The following ENAH variants were observed in gnomAD, a reference collection of about 807,000 sequenced individuals.
The protein encoded by ENAH is protein enabled homolog.
A neutral mutation model predicts 78.7 loss-of-function variants in ENAH; 23 were observed. That is an observed-to-expected ratio of 0.29 (90% CI 0.21 to 0.41). The LOEUF (loss-of-function observed/expected upper bound fraction) is 0.41, where lower values mean the gene tolerates loss of function less well. Among genes scored for constraint, ENAH ranks in the 10% least tolerant of loss-of-function variants. ENAH has a pLI of 1.00. For missense variants in ENAH, 544 were observed against 691.0 expected (o/e 0.79, Z 2.39); for synonymous variants, 226 against 241.0 (o/e 0.94, Z 0.58).
intron 3 of ENAH, among the ~76,000 whole-genome samples, chr1:225,542,263 G>T (rs539323822): frequency 4.6e-4 from 70 of 152,292 alleles, no homozygotes; most frequent in African/African-American, 1.5e-3. Flanking sequence ...CCAAATGTTT[G>T]GAAAGACTGC....
intron 1 of ENAH, among the ~76,000 whole-genome samples, chr1:225,578,386 G>C (rs1268717073): frequency 1.3e-5 from 2 of 152,138 alleles, no homozygotes; most frequent in African/African-American, 2.4e-5. Context: ...GAGGTAGAAG[G>C]ACCACTTCAG....
chr1:225,508,001 A>C lies in ENAH; in HGVS notation c.1488T>G (p.Pro496=). Residue 496 remains proline, a synonymous_variant, in exon 11 of 14, where the codon CCT becomes CCG. Coordinates refer to ENST00000366843, the MANE Select transcript of ENAH (RefSeq NM_018212.6). ...CATTCATTGTATTTGTTCTTTCCCA[A>C]GGTTTTCTTGTTGGTTCTTTAAAAA... ...STSTPEPTRK[P]WERTNTMNGS... is the part of the protein sequence containing the mutation. 1.3e-6 allele frequency: 2 copies of C among 1,557,828 alleles called. No homozygotes were observed. Among genetic ancestry groups the C allele is most frequent in the Non-Finnish European group, 1.7e-6 (2 of 1,160,690 alleles).
At chr1:225,510,384 T>C (rs1056679285) in intron 10 of ENAH, among the ~76,000 whole-genome samples, 2 of 152,124 alleles carry the variant, frequency 1.3e-5, no homozygotes, top group African/African-American at 4.8e-5. Flanking sequence ...ATAGCTCTCA[T>C]CATATTCTAA....
At chr1:225,559,851 A>C (rs2096690842) in intron 2 of ENAH, among the ~76,000 whole-genome samples, 1 of 152,192 alleles carries the variant, frequency 6.6e-6, no homozygotes, top group Non-Finnish European at 1.5e-5. Context: ...CGCCTTCTAC[A>C]CTGGAAAAAG....
At chr1:225,630,230 G>A (rs1180867516) in intron 1 of ENAH, among the ~76,000 whole-genome samples, 2 of 150,018 alleles carry the variant, frequency 1.3e-5, no homozygotes, top group African/African-American at 4.8e-5. Flanking sequence ...AAAAGCTACA[G>A]AAAGTAATTT....
At chr1:225,631,166 T>C (rs1052302257) in intron 1 of ENAH, among the ~76,000 whole-genome samples, 3 of 152,194 alleles carry the variant, frequency 2.0e-5, no homozygotes, top group Non-Finnish European at 4.4e-5. Flanking sequence ...CTATACTGAC[T>C]GACAATTTTT....
chr1:225,504,974 T>C (rs1558713798), intron 11 of ENAH: 1 of 1,601,570 alleles, frequency 6.2e-7, no homozygotes, highest in Admixed American at 1.7e-5. Flanking sequence ...AATCACAACG[T>C]CACAGCAGGA....
rs555102985 is a variant in ENAH, at chr1:225,556,568, A to ATAT, written c.172-1488_172-1486dup. ...TTCTTCTTTGATTTCTAAGCCCTTT[A>ATAT]TATATTCTAGATATGATATCATTGT... On this transcript the variant is annotated intron_variant, in intron 2 of 13. Transcript: ENST00000366843. Among the ~76,000 whole-genome samples the ATAT allele has an allele frequency of 4.0e-3, 607 of 152,030 alleles. 2 individuals are homozygous for ATAT. The highest frequency in any genetic ancestry group is 4.1e-3 in the Non-Finnish European group (282 of 67,984).
chr1:225,615,067 T>C (rs1026532034), intron 1 of ENAH, among the ~76,000 whole-genome samples: 2 of 145,578 alleles, frequency 1.4e-5, no homozygotes, highest in Non-Finnish European at 3.0e-5. Context: ...TCTCCCTCTC[T>C]CTCCACGGTC....
chr1:225,596,370 A>G (rs2096901984), intron 1 of ENAH, among the ~76,000 whole-genome samples: 1 of 152,238 alleles, frequency 6.6e-6, no homozygotes, highest in Admixed American at 6.5e-5. Context: ...ATCAGCAAAG[A>G]GTCAGGACTC....
At chr1:225,548,847 A>AT (rs11392563) in intron 3 of ENAH, among the ~76,000 whole-genome samples, 103,047 of 139,418 alleles carry the variant, frequency 0.74, 37,973 homozygotes, top group Middle Eastern at 0.76. Context: ...TAGTGAACAG[A>AT]TTTTTTTTTT....
chr1:225,606,778 G>C (rs2096957677), intron 1 of ENAH, among the ~76,000 whole-genome samples: 1 of 139,916 alleles, frequency 7.1e-6, no homozygotes, highest in Non-Finnish European at 1.5e-5. Flanking sequence ...AGGAGGCAGG[G>C]ATTGCAGTGA....
At chr1:225,653,443 C>T (rs1200194384), upstream of ENAH, among the ~76,000 whole-genome samples, 1 of 150,022 alleles carries the variant, frequency 6.7e-6, no homozygotes, top group East Asian at 2.0e-4. This position sits in a 1 kb window ranked among gnomAD's most constrained non-coding sequence, Gnocchi z 4.3. Context: ...CACCTCCGGC[C>T]AGTTGTCGGC....
intron 3 of ENAH, among the ~76,000 whole-genome samples, chr1:225,536,239 G>A (rs921785639): frequency 1.1e-4 from 16 of 151,770 alleles, no homozygotes; most frequent in African/African-American, 3.4e-4. Context: ...ATTTATTTAG[G>A]CTATTTACAT....
At chr1:225,534,933 AGAGT>A (rs1283707328) in intron 3 of ENAH, among the ~76,000 whole-genome samples, 8 of 152,234 alleles carry the variant, frequency 5.3e-5, no homozygotes, top group South Asian at 2.1e-4. Context: ...TGTGTATATG[AGAGT>A]GAGAGTGAAA....
intron 3 of ENAH, among the ~76,000 whole-genome samples, chr1:225,534,822 T>C (rs1479209315): frequency 6.6e-6 from 1 of 152,150 alleles, no homozygotes; most frequent in Non-Finnish European, 1.5e-5. Flanking sequence ...TGTTTATAGA[T>C]AGATACGTAT....
intron 3 of ENAH, among the ~76,000 whole-genome samples, chr1:225,550,125 T>A (rs1428093624): frequency 1.3e-5 from 2 of 152,152 alleles, no homozygotes; most frequent in Non-Finnish European, 2.9e-5. Flanking sequence ...CATGGCATAT[T>A]TGTTATTTCC....
At chr1:225,558,912 C>T (rs539779194) in intron 2 of ENAH, among the ~76,000 whole-genome samples, 5 of 152,224 alleles carry the variant, frequency 3.3e-5, no homozygotes, top group African/African-American at 7.2e-5. Flanking sequence ...GGATTACAGG[C>T]GTAAGCCACT....
intron 1 of ENAH, among the ~76,000 whole-genome samples, chr1:225,612,912 T>A (rs2096999354): frequency 1.3e-5 from 2 of 152,196 alleles, no homozygotes; most frequent in African/African-American, 4.8e-5. Context: ...ACGATACATT[T>A]ACAAAATTAA....
Sources: gnomAD v4.1 joint callset for allele counts (sites outside exome capture counted in the v4.1 genomes callset) on GRCh38, gnomAD v4.1.1 for gene constraint, Gnocchi (gnomAD v3.1) non-coding constraint, MANE v1.5 for transcripts, NCBI Gene and HGNC (gene_info 2026-07-23, HGNC 2026-07-21) for gene names.